PLGRKT: variants seen among roughly 807,000 people sequenced by gnomAD.
PLGRKT encodes plasminogen receptor with a C-terminal lysine.
PLGRKT carries 22 observed loss-of-function variants against 18.5 expected under a neutral mutation model. That is an observed-to-expected ratio of 1.19 (90% confidence interval 0.85 to 1.70). The LOEUF (loss-of-function observed/expected upper bound fraction) is 1.70, where lower values mean the gene tolerates loss of function less well. Ranked by LOEUF, PLGRKT falls within the 40% of genes most tolerant of loss-of-function variation. The pLI, the probability that PLGRKT is intolerant of heterozygous loss-of-function variation, is 0.00. For synonymous variants in PLGRKT, 72 were observed against 52.8 expected (o/e 1.36, Z -1.58); for missense variants, 235 against 174.4 (o/e 1.35, Z -1.96).
At chr9:5,397,928 C>G (rs560193113) in intron 3 of PLGRKT, among the ~76,000 whole-genome samples, 2 of 151,958 alleles carry the variant, frequency 1.3e-5, no homozygotes, top group African/African-American at 4.8e-5. Context: ...CCTTTTATTT[C>G]AAAACTAGAA....
chr9:5,366,812 T>TCCTCA (rs1282392915), intron 3 of PLGRKT, among the ~76,000 whole-genome samples: 1 of 152,004 alleles, frequency 6.6e-6, no homozygotes, highest in African/African-American at 2.4e-5. Context: ...AAATAATCCC[T>TCCTCA]CCTCACTGAA....
In PLGRKT at chr9:5,370,282, T is replaced by C. The variant is rs1476716549; in HGVS notation, c.82-8394A>G. 2.6e-5 allele frequency among the ~76,000 whole-genome samples: 4 copies of C among 152,276 alleles called. No homozygotes were observed. In the East Asian group the frequency reaches 7.7e-4, roughly 29 times the overall value. The stretch of plus-strand genomic sequence containing the variant: ...CTGACCTCAGTAATTTGTCAATCTG[T>C]TGAGTTTCCAAAGAGGCAATTATGT... On this transcript the variant is annotated intron_variant, in intron 3 of 5. Transcript: ENST00000223864.
At chr9:5,373,456 G>A (rs964425934) in intron 3 of PLGRKT, among the ~76,000 whole-genome samples, 3 of 152,180 alleles carry the variant, frequency 2.0e-5, no homozygotes, top group African/African-American at 7.2e-5. Flanking sequence ...ATGTGGGTCT[G>A]GGGCTCTGAA....
intron 3 of PLGRKT, among the ~76,000 whole-genome samples, chr9:5,367,398 G>A (rs1817417158): frequency 6.6e-6 from 1 of 151,966 alleles, no homozygotes; most frequent in Non-Finnish European, 1.5e-5. Context: ...AGAAACGTAT[G>A]CCAATGGAAA....
chr9:5,371,499 C>T (rs1029566644), intron 3 of PLGRKT, among the ~76,000 whole-genome samples: 23 of 152,182 alleles, frequency 1.5e-4, no homozygotes, highest in Admixed American at 1.5e-3. Flanking sequence ...TTCGCTTCTT[C>T]CTCATTTTCT....
At chr9:5,402,593 A>T (rs1818175652) in intron 3 of PLGRKT, among the ~76,000 whole-genome samples, 1 of 151,888 alleles carries the variant, frequency 6.6e-6, no homozygotes, top group Admixed American at 6.6e-5. Flanking sequence ...TGCAGTGTGG[A>T]GGGTCAGACT....
chr9:5,377,245 A>G (rs1411824641), intron 3 of PLGRKT, among the ~76,000 whole-genome samples: 3 of 136,312 alleles, frequency 2.2e-5, no homozygotes, highest in African/African-American at 8.2e-5. Flanking sequence ...GATAACAAGT[A>G]AACTAAAAAA....
intron 3 of PLGRKT, among the ~76,000 whole-genome samples, chr9:5,400,811 C>A (rs534081974): frequency 6.6e-6 from 1 of 151,872 alleles, no homozygotes; most frequent in African/African-American, 2.4e-5. Context: ...AATGTGAAGA[C>A]GCAAATTAGA....
chr9:5,366,458 AAT>A (rs1197651322), intron 3 of PLGRKT, among the ~76,000 whole-genome samples: 1 of 152,158 alleles, frequency 6.6e-6, no homozygotes, highest in Non-Finnish European at 1.5e-5. Flanking sequence ...TTGAAATCAA[AAT>A]GTTCCTGATT....
At chr9:5,420,865 G>C (rs1586740601) in intron 3 of PLGRKT, among the ~76,000 whole-genome samples, 1 of 152,110 alleles carries the variant, frequency 6.6e-6, no homozygotes, top group African/African-American at 2.4e-5. Flanking sequence ...AGCAAGTAAA[G>C]AAAAAAACAG....
chr9:5,408,647 G>T (rs1818303189), intron 3 of PLGRKT, among the ~76,000 whole-genome samples: 1 of 152,222 alleles, frequency 6.6e-6, no homozygotes, highest in African/African-American at 2.4e-5. Flanking sequence ...ATTCAAGCAG[G>T]CTGCATCAAT....
chr9:5,381,084 T>C (rs149449538), intron 3 of PLGRKT, among the ~76,000 whole-genome samples: 77 of 152,346 alleles, frequency 5.1e-4, no homozygotes, highest in Non-Finnish European at 6.6e-4. Flanking sequence ...TCCCCAGCCA[T>C]GCAGAACTGT....
At chr9:5,364,071 G>A (rs1817327857) in intron 3 of PLGRKT, among the ~76,000 whole-genome samples, 1 of 152,160 alleles carries the variant, frequency 6.6e-6, no homozygotes, top group African/African-American at 2.4e-5. Context: ...AAGAAATAGA[G>A]GAGTCCAGAC....
At chr9:5,417,958 C>G (rs1466026295) in intron 3 of PLGRKT, among the ~76,000 whole-genome samples, 1 of 152,196 alleles carries the variant, frequency 6.6e-6, no homozygotes, top group Non-Finnish European at 1.5e-5. Flanking sequence ...CAAGGATTTG[C>G]AGGTTTAATT....
rs192185795 is a variant in PLGRKT, at chr9:5,400,300, C to G, written c.81+31597G>C. Among the ~76,000 whole-genome samples, 31 of 152,012 alleles carry G rather than the reference C, an allele frequency of 2.0e-4. 1 individual carries two copies. The highest frequency in any genetic ancestry group is 1.6e-3 in the Admixed American group (24 of 15,284). On this transcript the variant is annotated intron_variant, in intron 3 of 5. Coordinates refer to ENST00000223864, the MANE Select transcript of PLGRKT (RefSeq NM_018465.4). ...CTTCATATTCAAAATTCCCTCAAAA[C>G]ATATGTGGCTTCAAATTGTGGGGTG...
chr9:5,414,181 G>A (rs917944133), intron 3 of PLGRKT, among the ~76,000 whole-genome samples: 1 of 151,978 alleles, frequency 6.6e-6, no homozygotes, highest in African/African-American at 2.4e-5. Flanking sequence ...TTTTTTGTTT[G>A]TTTAAGACGG....
At chr9:5,423,169 T>C (rs1476395617) in intron 3 of PLGRKT, among the ~76,000 whole-genome samples, 1 of 152,136 alleles carries the variant, frequency 6.6e-6, no homozygotes, top group South Asian at 2.1e-4. Flanking sequence ...TAACACAATA[T>C]TGAAAGTGTT....
chr9:5,402,761 G>C (rs535766212), intron 3 of PLGRKT, among the ~76,000 whole-genome samples: 1 of 152,096 alleles, frequency 6.6e-6, no homozygotes, highest in South Asian at 2.1e-4. Flanking sequence ...TAGAGTTCTT[G>C]TTTAAATCAG....
chr9:5,402,236 T>C (rs1341879955), intron 3 of PLGRKT, among the ~76,000 whole-genome samples: 1 of 151,874 alleles, frequency 6.6e-6, no homozygotes, highest in East Asian at 1.9e-4. Context: ...TAGTATTCCC[T>C]CAAAAGAGTT....
Sources: gnomAD v4.1 joint callset for allele counts (sites outside exome capture counted in the v4.1 genomes callset) on GRCh38, gnomAD v4.1.1 for gene constraint, MANE v1.5 for transcripts, NCBI Gene and HGNC (gene_info 2026-07-23, HGNC 2026-07-21) for gene names.